CDIN1: variants seen among roughly 807,000 people sequenced by gnomAD.
The protein encoded by CDIN1 is CDAN1 interacting nuclease 1.
A neutral mutation model predicts 45.3 loss-of-function variants in CDIN1; 33 were observed. The observed-to-expected ratio is 0.73, with a 90% confidence interval of 0.55 to 0.97. The LOEUF is 0.97. CDIN1 is among the 50% of genes least tolerant of loss of function. The pLI is 0.00. For synonymous variants in CDIN1, 118 were observed against 124.4 expected, an observed-to-expected ratio of 0.95 and a Z score of 0.34; for missense variants, 303 against 339.4, an observed-to-expected ratio of 0.89 and a Z score of 0.84.
chr15:36,714,612 G>T (rs1449066330), intron 10 of CDIN1, among the ~76,000 whole-genome samples: 1 of 152,126 alleles, frequency 6.6e-6, no homozygotes, highest in Non-Finnish European at 1.5e-5. Flanking sequence ...CAGGCTCCGT[G>T]TGTCAGTGCA....
At chr15:36,754,119 T>C (rs2053545400) in intron 10 of CDIN1, among the ~76,000 whole-genome samples, 1 of 152,168 alleles carries the variant, frequency 6.6e-6, no homozygotes, top group Admixed American at 6.6e-5. Context: ...CATGTGTTTC[T>C]CTCTCCATTC....
chr15:36,618,030 A>G (rs1013840446), intron 1 of CDIN1: 11 of 782,088 alleles, frequency 1.4e-5, no homozygotes, highest in Non-Finnish European at 2.1e-5. Context: ...AATCTTCACC[A>G]GCAGTTCTCG....
intron 10 of CDIN1, among the ~76,000 whole-genome samples, chr15:36,714,836 G>T (rs1186917664): frequency 1.3e-5 from 2 of 152,192 alleles, no homozygotes; most frequent in African/African-American, 4.8e-5. Context: ...CAGGCCCTGG[G>T]AATGGTCTTG....
At chr15:36,766,169 TTGTC>T (rs2053918945) in intron 10 of CDIN1, among the ~76,000 whole-genome samples, 1 of 152,236 alleles carries the variant, frequency 6.6e-6, no homozygotes, top group African/African-American at 2.4e-5. Context: ...ATATTTGTCC[TTGTC>T]TGTCTTATTT....
intron 1 of CDIN1, among the ~76,000 whole-genome samples, chr15:36,582,370 G>A (rs1477763773): frequency 6.6e-6 from 1 of 152,204 alleles, no homozygotes; most frequent in African/African-American, 2.4e-5. Flanking sequence ...AAAAGGTTGT[G>A]TATTCAAGGG....
intron 1 of CDIN1, among the ~76,000 whole-genome samples, chr15:36,595,813 G>A (rs1426646819): frequency 6.6e-6 from 1 of 152,210 alleles, no homozygotes; most frequent in Non-Finnish European, 1.5e-5. Flanking sequence ...GAGATGAATA[G>A]AGCTTACACA....
intron 1 of CDIN1, among the ~76,000 whole-genome samples, chr15:36,635,890 T>G (rs1490473442): frequency 6.6e-6 from 1 of 151,962 alleles, no homozygotes; most frequent in Non-Finnish European, 1.5e-5. Flanking sequence ...GGAAGGTGGG[T>G]CACAAGAAAA....
chr15:36,734,603 T>G (rs1176594133), intron 10 of CDIN1, among the ~76,000 whole-genome samples: 3 of 152,126 alleles, frequency 2.0e-5, no homozygotes, highest in African/African-American at 4.8e-5. Context: ...GTCTCAGGGT[T>G]TGGAGAGCCA....
chr15:36,649,534 A>G (rs1439160710), intron 3 of CDIN1, among the ~76,000 whole-genome samples: 2 of 152,132 alleles, frequency 1.3e-5, no homozygotes, highest in African/African-American at 4.8e-5. Flanking sequence ...CCATTTTATG[A>G]TGTTTTTTGA....
chr15:36,651,819 A>G (rs931478886), intron 3 of CDIN1, among the ~76,000 whole-genome samples: 1 of 152,186 alleles, frequency 6.6e-6, no homozygotes, highest in African/African-American at 2.4e-5. Context: ...TTTCCACAGT[A>G]TTAAGTATGG....
chr15:36,608,990 TA>T (rs1003109662), intron 1 of CDIN1, among the ~76,000 whole-genome samples: 1 of 149,388 alleles, frequency 6.7e-6, no homozygotes, highest in African/African-American at 2.6e-5. Flanking sequence ...GATAGATAGA[TA>T]GATAGATAGA....
rs137989989 is a variant in CDIN1, at chr15:36,620,594, C to G, written c.102-23684C>G. Reference sequence around the variant, plus strand: ...ATTGCTTTGACCAGTCTAGTCAAATCATATAAATTGTTCTAAATTTCAGAA... The same window carrying G: ...ATTGCTTTGACCAGTCTAGTCAAATGATATAAATTGTTCTAAATTTCAGAA... On this transcript the variant is annotated intron_variant, in intron 1 of 10. Coordinates refer to ENST00000566621, the MANE Select transcript of CDIN1 (RefSeq NM_001321759.2). 6.0e-4 allele frequency among the ~76,000 whole-genome samples: 91 copies of G among 152,188 alleles called. No individual in the cohort carries two copies. In the East Asian group the frequency reaches 0.017, roughly 28 times the overall value.
chr15:36,765,940 T>G (rs1409557472), intron 10 of CDIN1, among the ~76,000 whole-genome samples: 1 of 152,198 alleles, frequency 6.6e-6, no homozygotes, highest in African/African-American at 2.4e-5. Context: ...CTGTTAAAAT[T>G]TGTTAAAATT....
At chr15:36,799,773 A>G (rs2054949680) in intron 10 of CDIN1, 1 of 152,194 alleles carries the variant, frequency 6.6e-6, no homozygotes, top group African/African-American at 2.4e-5. Context: ...GCTTGTATGT[A>G]GATTCTTATA....
chr15:36,613,559 C>T (rs781208756), intron 1 of CDIN1: 145 of 1,500,972 alleles, frequency 9.7e-5, no homozygotes, highest in Non-Finnish European at 1.2e-4. Context: ...GTGAGCTGAG[C>T]GCCTCCAGCA....
intron 5 of CDIN1, among the ~76,000 whole-genome samples, chr15:36,684,654 G>C (rs1259844951): frequency 6.6e-6 from 1 of 151,928 alleles, no homozygotes; most frequent in Non-Finnish European, 1.5e-5. Flanking sequence ...AGAAGGAATG[G>C]TACCAGCTCC....
chr15:36,722,353 T>G (rs1312555010), intron 10 of CDIN1, among the ~76,000 whole-genome samples: 2 of 135,088 alleles, frequency 1.5e-5, no homozygotes, highest in Non-Finnish European at 3.2e-5. Flanking sequence ...CATCCATATA[T>G]TCTACCTCTC....
intron 8 of CDIN1, chr15:36,708,398 T>C (rs563786201): frequency 1.2e-4 from 18 of 151,912 alleles, no homozygotes; most frequent in Admixed American, 1.2e-3. Context: ...ACTCCCCATT[T>C]CAGAAATCAC....
Position 36,809,231 on chromosome 15 carries a change from G to A in CDIN1, c.*778G>A, listed in dbSNP as rs933830629. 24 of 265,700 alleles carry A rather than the reference G, an allele frequency of 9.0e-5. No individual in the cohort carries two copies. The highest frequency in any genetic ancestry group is 5.9e-4 in the Admixed American group (12 of 20,498). 16.5% of individuals were successfully genotyped at this position (265,700 alleles called of 1,614,324 possible). A position where few individuals can be genotyped will look rare whatever the true frequency, so the allele number is the denominator to read the frequency against. On this transcript the variant is annotated 3_prime_UTR_variant, in exon 11 of 11. Transcript: ENST00000566621. Reference sequence around the variant, plus strand: ...TCCTTTAGATTGGGGGCCGAGAGGCGACAACCCAACATTGAGGAGAGTTTA... The same window carrying A: ...TCCTTTAGATTGGGGGCCGAGAGGCAACAACCCAACATTGAGGAGAGTTTA...
Sources: gnomAD v4.1 joint callset for allele counts (sites outside exome capture counted in the v4.1 genomes callset) on GRCh38, gnomAD v4.1.1 for gene constraint, MANE v1.5 for transcripts, NCBI Gene and HGNC (gene_info 2026-07-23, HGNC 2026-07-21) for gene names.